The following ESCO1 variants were observed in gnomAD, a reference collection of about 807,000 sequenced individuals.
ESCO1 encodes establishment of sister chromatid cohesion N-acetyltransferase 1, also known as N-acetyltransferase ESCO1.
In ESCO1, 33 loss-of-function variants were observed where a neutral mutation model predicts 83.5. The observed-to-expected ratio is 0.40, with a 90% CI of 0.30 to 0.53. The LOEUF (loss-of-function observed/expected upper bound fraction) is 0.53. Among genes scored for constraint, ESCO1 ranks in the 20% least tolerant of loss-of-function variants. The pLI is 0.63. For synonymous variants in ESCO1, 332 were observed against 324.3 expected (o/e 1.02, Z -0.25); for missense variants, 855 against 968.0 (o/e 0.88, Z 1.55).
At position 21,574,039 on chromosome 18, in the gene ESCO1, G is replaced by T; in HGVS notation, c.805C>A (p.Gln269Lys). 5.0e-6 allele frequency: 8 copies of T among 1,612,954 alleles called. No homozygotes were observed. The highest frequency in any genetic ancestry group is 6.8e-6 in the Non-Finnish European group (8 of 1,180,000). Reference protein sequence around the residue: ...KNEMKKSVHTQVNTNTTLPKS... With the variant: ...KNEMKKSVHTKVNTNTTLPKS... ...GGGAGTGTTGTGTTAGTATTCACTT[G>T]TGTATGAACCGACTTCTTCATCTCA... is the stretch of plus-strand genomic sequence containing the variant. The change falls in exon 4 of 12, where the codon CAA becomes AAA. Residue 269 changes from glutamine (Q) to lysine (K), a missense_variant. Gln to Lys is a moderately conservative substitution (Grantham distance 53). Transcript: ENST00000269214.
At chr18:21,557,516 C>A (rs1473897822) in intron 8 of ESCO1, among the ~76,000 whole-genome samples, 1 of 152,184 alleles carries the variant, frequency 6.6e-6, no homozygotes, top group African/African-American at 2.4e-5. Flanking sequence ...TGATTTATTG[C>A]TTTAATAGTT....
intron 4 of ESCO1, among the ~76,000 whole-genome samples, chr18:21,569,781 G>A (rs1276061452): frequency 1.3e-5 from 2 of 152,156 alleles, no homozygotes; most frequent in African/African-American, 4.8e-5. Flanking sequence ...AACCCGGGAG[G>A]CGGAGGTTGC....
chr18:21,568,202 G>A, intron 4 of ESCO1, 108 bp from the exon 5 acceptor site: 1 of 764,782 alleles, frequency 1.3e-6, no homozygotes, highest in African/African-American at 1.7e-5. Context: ...TTTATTTGGA[G>A]CAATTAATAC....
rs1423374639 is a variant in ESCO1, at chr18:21,599,711, T to TCTTCCTCCCTCCC, written c.-825+899_-825+911dup. ...CAAAGCTTGAGCTCCTTCCTCCTCC[T>TCTTCCTCCCTCCC]CTTCCTCCCTCCCCTGGTCCCCGCT... On this transcript the variant is annotated intron_variant, in intron 1 of 11. Transcript: ENST00000269214. Among the ~76,000 whole-genome samples, 10 of 152,226 alleles carry TCTTCCTCCCTCCC rather than the reference T, an allele frequency of 6.6e-5. No individual in the cohort carries two copies. In the East Asian group the frequency reaches 9.7e-4, roughly 15 times the overall value.
chr18:21,566,767 G>A (rs1277995585), intron 5 of ESCO1, among the ~76,000 whole-genome samples: 2 of 151,820 alleles, frequency 1.3e-5, no homozygotes, highest in African/African-American at 4.8e-5. Context: ...GGCTGAGGCA[G>A]GAGAACTGCT....
chr18:21,533,468 G>A (rs2037793930), intron 10 of ESCO1, among the ~76,000 whole-genome samples: 1 of 152,016 alleles, frequency 6.6e-6, no homozygotes, highest in Non-Finnish European at 1.5e-5. Flanking sequence ...ACTAAGTTTT[G>A]TATTTTTAGT....
chr18:21,583,277 A>G (rs1282640382), intron 2 of ESCO1, among the ~76,000 whole-genome samples: 2 of 152,096 alleles, frequency 1.3e-5, no homozygotes, highest in Admixed American at 6.6e-5. Context: ...CTAGACACAA[A>G]AGAGTACATA....
intron 9 of ESCO1, 48 bp from the exon 10 acceptor site, chr18:21,536,233 C>A: frequency 6.4e-7 from 1 of 1,558,480 alleles, no homozygotes; most frequent in Admixed American, 1.8e-5. Context: ...ATATTATATA[C>A]ATGTAAAAAC....
At chr18:21,584,149 A>G (rs1269353665) in intron 2 of ESCO1, among the ~76,000 whole-genome samples, 161 bp downstream of exon 2, 1 of 152,216 alleles carries the variant, frequency 6.6e-6, no homozygotes, top group East Asian at 1.9e-4. Context: ...AGAAAAGCTT[A>G]CTTTTCACTA....
intron 8 of ESCO1, among the ~76,000 whole-genome samples, chr18:21,553,790 G>T (rs1181137924): frequency 6.6e-6 from 1 of 150,920 alleles, no homozygotes; most frequent in East Asian, 2.0e-4. Flanking sequence ...CCGAGAGGTG[G>T]AGGTTGCAGT....
chr18:21,559,698 C>T (rs561867047), intron 8 of ESCO1, among the ~76,000 whole-genome samples: 1 of 152,232 alleles, frequency 6.6e-6, no homozygotes, highest in Non-Finnish European at 1.5e-5. Context: ...TTTTTCTTTT[C>T]ACAATGCAAG....
chr18:21,595,248 A>G (rs1357728879), intron 1 of ESCO1, among the ~76,000 whole-genome samples: 2 of 151,426 alleles, frequency 1.3e-5, no homozygotes, highest in Non-Finnish European at 1.5e-5. Context: ...TAAGTGGCGT[A>G]TATCTTCTAA....
chr18:21,558,858 C>T (rs1047708942), intron 8 of ESCO1, among the ~76,000 whole-genome samples: 3 of 151,782 alleles, frequency 2.0e-5, no homozygotes, highest in African/African-American at 7.3e-5. Context: ...GAATTAACAC[C>T]AGAGTACCAT....
chr18:21,532,899 G>A (rs1383137088), intron 10 of ESCO1, among the ~76,000 whole-genome samples: 4 of 152,020 alleles, frequency 2.6e-5, no homozygotes, highest in African/African-American at 9.7e-5. Context: ...TTCCTCACTG[G>A]CGATATCCAT....
In ESCO1 at chr18:21,566,199, A is replaced by G. The variant is rs2038257601; in HGVS notation, c.1653T>C (p.Ala551=). ...DTGENKFPGS[A]PQQHSILSNQ... is the part of the protein sequence containing the mutation. ...TACTGAGAATACTATGCTGTTGGGG[A>G]GCTGAACCTGTAATTTAATCAAGAA... The change falls in exon 6 of 12, where the codon GCT becomes GCC. Residue 551 remains alanine, a synonymous_variant. Coordinates refer to ENST00000269214, the MANE Select transcript of ESCO1 (RefSeq NM_052911.3). 6.2e-7 allele frequency: 1 copy of G among 1,612,552 alleles called. No homozygotes were observed. Among genetic ancestry groups the G allele is most frequent in the African/African-American group, 1.3e-5 (1 of 74,856 alleles).
At position 21,578,469 on chromosome 18, in the gene ESCO1, C is replaced by T. The variant is rs568514474; in HGVS notation, c.-693-2692G>A. ...GAGGTCCAACTGGCCATTAACTGGA[C>T]CTTTCAGAGAATAGAAAAAAAGCAC... On this transcript the variant is annotated intron_variant, in intron 2 of 11. Coordinates refer to ENST00000269214, the MANE Select transcript of ESCO1 (RefSeq NM_052911.3). Among the ~76,000 whole-genome samples, 6 of 151,930 alleles carry T rather than the reference C, an allele frequency of 3.9e-5. No individual in the cohort carries two copies. The East Asian group carries it at 1.2e-3, about 29-fold the overall frequency.
intron 8 of ESCO1, among the ~76,000 whole-genome samples, chr18:21,553,970 A>G (rs1050217755): frequency 1.3e-5 from 2 of 152,022 alleles, no homozygotes; most frequent in Non-Finnish European, 2.9e-5. Flanking sequence ...TAAAATTAAA[A>G]TAAATAAAAT....
intron 8 of ESCO1, among the ~76,000 whole-genome samples, chr18:21,558,322 CT>C (rs2038138624): frequency 6.6e-6 from 1 of 151,966 alleles, no homozygotes; most frequent in Non-Finnish European, 1.5e-5. Flanking sequence ...TTATTTTAAC[CT>C]TTTGAAAATA....
At chr18:21,531,557 C>T (rs2037767004) in intron 11 of ESCO1, among the ~76,000 whole-genome samples, 2 of 152,292 alleles carry the variant, frequency 1.3e-5, no homozygotes, top group South Asian at 4.1e-4. Context: ...CGATGGCTCA[C>T]ACCTGTAATC....
Sources: allele counts gnomAD v4.1 joint callset (sites outside exome capture counted in the v4.1 genomes callset), GRCh38; gene constraint gnomAD v4.1.1; transcripts MANE v1.5; gene names NCBI Gene and HGNC (gene_info 2026-07-23, HGNC 2026-07-21).